Variants in NKAIN2 observed in about 807,000 individuals in gnomAD.
NKAIN2 encodes sodium/potassium-transporting ATPase subunit beta-1-interacting protein 2.
NKAIN2 carries 14 observed loss-of-function variants against 32.6 expected under a neutral mutation model. That is an observed-to-expected ratio of 0.43 (90% confidence interval 0.28 to 0.67). The LOEUF is 0.67. Among genes scored for constraint, NKAIN2 ranks in the 30% least tolerant of loss-of-function variants. NKAIN2 has a pLI of 0.17. For missense variants in NKAIN2, 198 were observed against 258.3 expected (o/e 0.77, Z 1.60); for synonymous variants, 80 against 87.2 (o/e 0.92, Z 0.46).
chr6:124,408,121 G>A (rs1295033246), intron 3 of NKAIN2, among the ~76,000 whole-genome samples: 40 of 152,006 alleles, frequency 2.6e-4, no homozygotes, highest in Non-Finnish European at 4.7e-4. Flanking sequence ...AGTAGATTGC[G>A]AAAATTTTCT....
chr6:124,197,235 T>A (rs1475274924), intron 1 of NKAIN2, among the ~76,000 whole-genome samples: 1 of 152,120 alleles, frequency 6.6e-6, no homozygotes, highest in Non-Finnish European at 1.5e-5. Context: ...TGTCCCCAGT[T>A]CATAAATGTT....
chr6:124,146,509 A>G (rs569028329), intron 1 of NKAIN2, among the ~76,000 whole-genome samples: 1 of 152,294 alleles, frequency 6.6e-6, no homozygotes, highest in South Asian at 2.1e-4. Flanking sequence ...CTACCAGAAG[A>G]CACAGCAATT....
intron 5 of NKAIN2, among the ~76,000 whole-genome samples, chr6:124,804,810 G>C (rs542110678): frequency 2.6e-5 from 4 of 152,174 alleles, no homozygotes; most frequent in African/African-American, 9.7e-5. Context: ...CTTTTTTAAC[G>C]GGCTTAAAAA....
intron 1 of NKAIN2, among the ~76,000 whole-genome samples, chr6:123,856,965 C>T (rs918184306): frequency 1.3e-5 from 2 of 152,140 alleles, no homozygotes; most frequent in Non-Finnish European, 2.9e-5. Context: ...TGCTAATTTT[C>T]CTTTTCTGAC....
intron 2 of NKAIN2, among the ~76,000 whole-genome samples, chr6:124,284,032 C>T (rs1562470309): frequency 1.4e-5 from 2 of 143,546 alleles, no homozygotes; most frequent in Admixed American, 7.2e-5. Flanking sequence ...CTGTTCTCTC[C>T]ATCATCTAGA....
chr6:124,481,533 C>G (rs942977632), intron 3 of NKAIN2, among the ~76,000 whole-genome samples: 1 of 152,116 alleles, frequency 6.6e-6, no homozygotes, highest in African/African-American at 2.4e-5. Context: ...TCTCTGCCTG[C>G]TAATACATCC....
At chr6:123,910,983 G>A (rs1325546089) in intron 1 of NKAIN2, among the ~76,000 whole-genome samples, 1 of 152,034 alleles carries the variant, frequency 6.6e-6, no homozygotes, top group African/African-American at 2.4e-5. Flanking sequence ...GTTAGTAGAT[G>A]AGAGGATATT....
intron 4 of NKAIN2, among the ~76,000 whole-genome samples, chr6:124,719,629 T>A (rs1449991150): frequency 6.6e-6 from 1 of 152,044 alleles, no homozygotes; most frequent in Non-Finnish European, 1.5e-5. Context: ...TCTTTTATTC[T>A]CTTCTGTACC....
chr6:124,814,545 T>C (rs555079314), intron 5 of NKAIN2, among the ~76,000 whole-genome samples: 14 of 152,254 alleles, frequency 9.2e-5, no homozygotes, highest in African/African-American at 3.4e-4. Context: ...CATCAGAGCT[T>C]TAGTGCCGTC....
At chr6:124,268,454 A>G (rs988855470) in intron 1 of NKAIN2, among the ~76,000 whole-genome samples, 2 of 152,180 alleles carry the variant, frequency 1.3e-5, no homozygotes, top group Non-Finnish European at 1.5e-5. Context: ...CATTGCCAAT[A>G]GAAGGAAAGT....
chr6:124,822,052 C>A (rs140566896), intron 6 of NKAIN2, among the ~76,000 whole-genome samples: 1 of 152,208 alleles, frequency 6.6e-6, no homozygotes, highest in Admixed American at 6.5e-5. Context: ...TTAACACTAA[C>A]TTAGCTGCCA....
chr6:124,552,609 A>G (rs1378584727), intron 3 of NKAIN2, among the ~76,000 whole-genome samples: 2 of 152,214 alleles, frequency 1.3e-5, no homozygotes, highest in African/African-American at 4.8e-5. Flanking sequence ...TCCCAATATT[A>G]CACAGCTAGT....
chr6:124,400,049 A>G (rs369583693), intron 3 of NKAIN2, among the ~76,000 whole-genome samples: 3 of 152,154 alleles, frequency 2.0e-5, no homozygotes, highest in African/African-American at 4.8e-5. Context: ...CAGAGCCATT[A>G]TATTTTTCTT....
intron 4 of NKAIN2, among the ~76,000 whole-genome samples, chr6:124,731,400 T>G (rs1776660548): frequency 6.6e-6 from 1 of 151,406 alleles, no homozygotes; most frequent in Non-Finnish European, 1.5e-5. Flanking sequence ...TGAGTTCATG[T>G]CCTTTGTAGG....
chr6:124,493,443 A>G (rs1484809120), intron 3 of NKAIN2, among the ~76,000 whole-genome samples: 1 of 152,034 alleles, frequency 6.6e-6, no homozygotes, highest in African/African-American at 2.4e-5. Flanking sequence ...TTTATCATGA[A>G]CATCCAAACC....
chr6:124,140,849 CCTT>C (rs1348579879), intron 1 of NKAIN2, among the ~76,000 whole-genome samples: 3 of 152,114 alleles, frequency 2.0e-5, no homozygotes, highest in Admixed American at 2.0e-4. Flanking sequence ...CTATTATTAT[CCTT>C]CTAACTCGAC....
intron 1 of NKAIN2, among the ~76,000 whole-genome samples, chr6:124,098,405 T>G (rs1431954212): frequency 6.6e-6 from 1 of 152,182 alleles, no homozygotes; most frequent in African/African-American, 2.4e-5. Flanking sequence ...CTTTGTGACT[T>G]CTATTAGGGC....
chr6:124,782,996 G>A (rs990725984), intron 4 of NKAIN2, among the ~76,000 whole-genome samples: 3 of 152,058 alleles, frequency 2.0e-5, no homozygotes, highest in East Asian at 1.9e-4. Flanking sequence ...ACCGGAAGGC[G>A]ATTTCATGGT....
At chr6:124,694,957 A>G (rs1049167883) in intron 4 of NKAIN2, among the ~76,000 whole-genome samples, 67 of 128,996 alleles carry the variant, frequency 5.2e-4, no homozygotes, top group Non-Finnish European at 6.1e-4. Context: ...TTATGGAGTT[A>G]TTGACTTTGT....
Sources: allele counts gnomAD v4.1 joint callset (sites outside exome capture counted in the v4.1 genomes callset), GRCh38; gene constraint gnomAD v4.1.1; transcripts MANE v1.5; gene names NCBI Gene and HGNC (gene_info 2026-07-23, HGNC 2026-07-21).